CDH13: variants seen among roughly 807,000 people sequenced by gnomAD.
CDH13 encodes cadherin 13, also known as cadherin-13.
In CDH13, 24 loss-of-function variants were observed where a neutral mutation model predicts 63.8. The observed-to-expected ratio is 0.38, with a 90% CI of 0.27 to 0.53. The LOEUF (loss-of-function observed/expected upper bound fraction) is 0.53. Ranked by LOEUF, CDH13 falls within the 20% of genes least tolerant of loss-of-function variation. The pLI is 0.85. For missense variants in CDH13, 1,049 were observed against 903.1 expected, an observed-to-expected ratio of 1.16 and a Z score of -2.07; for synonymous variants, 503 against 355.3, an observed-to-expected ratio of 1.42 and a Z score of -4.67.
chr16:83,027,985 T>A (rs368173200), intron 2 of CDH13, among the ~76,000 whole-genome samples: 46 of 152,296 alleles, frequency 3.0e-4, no homozygotes, highest in African/African-American at 1.1e-3. Flanking sequence ...AGGTTCTCAG[T>A]AAATATTTAT....
At chr16:83,259,650 T>A (rs1451177191) in intron 5 of CDH13, among the ~76,000 whole-genome samples, 2 of 152,196 alleles carry the variant, frequency 1.3e-5, no homozygotes, top group African/African-American at 2.4e-5. Context: ...AATTTTTTTT[T>A]ATTTTATTAT....
intron 2 of CDH13, among the ~76,000 whole-genome samples, chr16:83,026,796 A>G (rs143980895): frequency 6.6e-6 from 1 of 152,154 alleles, no homozygotes; most frequent in Admixed American, 6.5e-5. Context: ...GCATCACTTC[A>G]TTCAAAATGC....
rs141496596 is a variant in CDH13, at chr16:83,559,376, A to G, written c.961-43078A>G. ...CACCTGAGGTTGTGAGTTCAAGAGC[A>G]GCCTGAGCAACATGGAGAAACCCTG... On this transcript the variant is annotated intron_variant, in intron 7 of 13. Transcript: ENST00000567109. 2.0e-5 allele frequency among the ~76,000 whole-genome samples: 3 copies of G among 152,260 alleles called. 1 individual carries two copies. The highest frequency in any genetic ancestry group is 7.2e-5 in the African/African-American group (3 of 41,556).
intron 7 of CDH13, among the ~76,000 whole-genome samples, chr16:83,518,689 T>C (rs1353606428): frequency 6.6e-6 from 1 of 151,390 alleles, no homozygotes; most frequent in East Asian, 1.9e-4. Context: ...GCCAGGATGG[T>C]CTCGATCTCC....
chr16:82,980,392 G>T (rs188663314), intron 2 of CDH13, among the ~76,000 whole-genome samples: 2 of 152,224 alleles, frequency 1.3e-5, no homozygotes, highest in Admixed American at 1.3e-4. Flanking sequence ...GAAGGGAGGA[G>T]CTGGGTAAAC....
intron 1 of CDH13, among the ~76,000 whole-genome samples, chr16:82,796,652 T>C (rs1233375165): frequency 1.3e-5 from 2 of 152,250 alleles, no homozygotes; most frequent in Admixed American, 1.3e-4. Flanking sequence ...ATATTCCATA[T>C]GTGTAATGCC....
At chr16:82,882,268 G>T (rs914797942) in intron 2 of CDH13, among the ~76,000 whole-genome samples, 2 of 152,148 alleles carry the variant, frequency 1.3e-5, no homozygotes, top group Admixed American at 1.3e-4. Context: ...ACTAGGCAGG[G>T]TTCCTTCCAG....
At chr16:83,370,981 A>C (rs551447721) in intron 6 of CDH13, among the ~76,000 whole-genome samples, 4 of 152,338 alleles carry the variant, frequency 2.6e-5, no homozygotes, top group African/African-American at 9.6e-5. Flanking sequence ...AATCCACAAT[A>C]AGATACCATC....
At chr16:82,694,879 G>A (rs551555346) in intron 1 of CDH13, among the ~76,000 whole-genome samples, 3 of 152,272 alleles carry the variant, frequency 2.0e-5, no homozygotes, top group Non-Finnish European at 2.9e-5. Context: ...TAAAGGAGGC[G>A]CCTTGGGTAT....
intron 4 of CDH13, among the ~76,000 whole-genome samples, chr16:83,195,888 A>G (rs2038864613): frequency 6.6e-6 from 1 of 152,206 alleles, no homozygotes; most frequent in African/African-American, 2.4e-5. Flanking sequence ...CCTTCAGCAA[A>G]TGATGCTGGA....
chr16:82,850,838 A>ATTTTTAGTAAAAAACG (rs1360774490), intron 1 of CDH13, among the ~76,000 whole-genome samples: 1 of 152,204 alleles, frequency 6.6e-6, no homozygotes, highest in African/African-American at 2.4e-5. Flanking sequence ...GATCATTAGC[A>ATTTTTAGTAAAAAACG]TTTTTTAGTA....
rs561369563 is a variant in CDH13 at position 83,065,850 on chromosome 16, G to A, written c.366+33632G>A. ...AAGGGTGCCACAGGACACACAGCTGGGGAAACTTCCTCTTGCAAAGCCTCT... is the reference window on the plus strand; with the variant it reads ...AAGGGTGCCACAGGACACACAGCTGAGGAAACTTCCTCTTGCAAAGCCTCT... On this transcript the variant is annotated intron_variant, in intron 3 of 13. Transcript: ENST00000567109. Among the ~76,000 whole-genome samples, 9 of 152,188 alleles carry A rather than the reference G, an allele frequency of 5.9e-5. No homozygotes were observed. The East Asian group carries it at 1.7e-3, about 29-fold the overall frequency.
intron 6 of CDH13, among the ~76,000 whole-genome samples, chr16:83,362,677 C>T (rs117551678): frequency 0.061 from 9,349 of 152,316 alleles, 347 homozygotes; most frequent in Admixed American, 0.11. Context: ...TGCCTGACCT[C>T]AAATACCATC....
chr16:83,268,099 C>T (rs766230637), intron 5 of CDH13, among the ~76,000 whole-genome samples: 1 of 152,166 alleles, frequency 6.6e-6, no homozygotes, highest in African/African-American at 2.4e-5. Flanking sequence ...CCTATGTGCA[C>T]CACTGACACA....
chr16:83,518,920 C>G (rs889425052), intron 7 of CDH13, among the ~76,000 whole-genome samples: 1 of 152,158 alleles, frequency 6.6e-6, no homozygotes, highest in Non-Finnish European at 1.5e-5. Flanking sequence ...AATTAAACTT[C>G]TTTTCTTTAT....
chr16:83,682,751 G>A (rs920699485), intron 10 of CDH13, among the ~76,000 whole-genome samples: 2 of 151,876 alleles, frequency 1.3e-5, no homozygotes, highest in Non-Finnish European at 2.9e-5. Context: ...CATTCCCTGT[G>A]ACTCAGCTCC....
At chr16:83,060,312 T>C (rs1236782073) in intron 3 of CDH13, among the ~76,000 whole-genome samples, 1 of 152,214 alleles carries the variant, frequency 6.6e-6, no homozygotes, top group Non-Finnish European at 1.5e-5. Flanking sequence ...TGAAAAATTG[T>C]GGATGTTGAT....
At chr16:82,633,669 C>T (rs568050459) in intron 1 of CDH13, among the ~76,000 whole-genome samples, 17 of 152,192 alleles carry the variant, frequency 1.1e-4, no homozygotes, top group East Asian at 1.9e-4. Flanking sequence ...TGAGCCACTG[C>T]GCCTGGCCAA....
At position 82,988,533 on chromosome 16, in the gene CDH13, G is replaced by A. The variant is rs961020879; in HGVS notation, c.158-43477G>A. Among the ~76,000 whole-genome samples, 43 of 152,102 alleles carry A rather than the reference G, an allele frequency of 2.8e-4. 1 individual carries two copies. The highest frequency in any genetic ancestry group is 1.7e-3 in the Admixed American group (26 of 15,270). On this transcript the variant is annotated intron_variant, in intron 2 of 13. Coordinates refer to ENST00000567109, the MANE Select transcript of CDH13 (RefSeq NM_001257.5). The stretch of plus-strand genomic sequence containing the variant: ...TCCCAGCAGTTTGGGAGGCTGAGGC[G>A]GGCAGATCACCTGAGGTCAGGAGTT...
Sources: gnomAD v4.1 joint callset for allele counts (sites outside exome capture counted in the v4.1 genomes callset) on GRCh38, gnomAD v4.1.1 for gene constraint, MANE v1.5 for transcripts, NCBI Gene and HGNC (gene_info 2026-07-23, HGNC 2026-07-21) for gene names.